DPP10: variants seen among roughly 807,000 people sequenced by gnomAD.
DPP10 encodes the protein inactive dipeptidyl peptidase 10.
In DPP10, 33 loss-of-function variants were observed where a neutral mutation model predicts 120.9. That is an observed-to-expected ratio of 0.27 (90% CI 0.21 to 0.37). DPP10 has a LOEUF of 0.37. Among genes scored for constraint, DPP10 ranks in the 10% least tolerant of loss-of-function variants. The probability of loss-of-function intolerance (pLI) is 1.00; values close to 1 mark genes in which losing one functional copy is unlikely to be tolerated. For synonymous variants in DPP10, 337 were observed against 326.1 expected (o/e 1.03, Z -0.36); for missense variants, 816 against 942.8 (o/e 0.87, Z 1.76).
intron 19 of DPP10, among the ~76,000 whole-genome samples, chr2:115,804,310 G>A (rs896900641): frequency 2.6e-5 from 4 of 152,104 alleles, no homozygotes; most frequent in Admixed American, 6.5e-5. Context: ...CTCTGCACTG[G>A]TTATTCTAGT....
At chr2:115,062,575 G>C (rs909939932) in intron 1 of DPP10, among the ~76,000 whole-genome samples, 3 of 152,018 alleles carry the variant, frequency 2.0e-5, no homozygotes, top group African/African-American at 7.2e-5. Context: ...AGTGTGTGTT[G>C]TTCTTCTCCC....
At chr2:115,383,737 A>G (rs992807201) in intron 3 of DPP10, among the ~76,000 whole-genome samples, 6 of 151,910 alleles carry the variant, frequency 3.9e-5, no homozygotes, top group African/African-American at 1.2e-4. Context: ...AATATATTTA[A>G]TAATTTGATT....
chr2:114,902,175 T>A (rs1280687618), intron 1 of DPP10, among the ~76,000 whole-genome samples: 1 of 152,238 alleles, frequency 6.6e-6, no homozygotes, highest in East Asian at 1.9e-4. Flanking sequence ...AAAAATCATT[T>A]ATCATCCACC....
At chr2:115,497,253 C>T (rs937981620) in intron 3 of DPP10, among the ~76,000 whole-genome samples, 15 of 151,930 alleles carry the variant, frequency 9.9e-5, no homozygotes, top group South Asian at 4.2e-4. Context: ...AACCCCTGAA[C>T]GAGGAGGGGA....
chr2:115,825,907 G>T (rs753867752), intron 21 of DPP10, among the ~76,000 whole-genome samples: 4 of 152,284 alleles, frequency 2.6e-5, no homozygotes, highest in African/African-American at 4.8e-5. Context: ...GGCAGAAGAG[G>T]CTGGTTTTAT....
chr2:114,768,915 T>C (rs2106140000), intron 1 of DPP10, among the ~76,000 whole-genome samples: 1 of 152,300 alleles, frequency 6.6e-6, no homozygotes. Flanking sequence ...TATGAGATGA[T>C]AGTGGAAATC....
At chr2:115,513,253 T>C (rs2077326757) in intron 4 of DPP10, among the ~76,000 whole-genome samples, 1 of 151,954 alleles carries the variant, frequency 6.6e-6, no homozygotes, top group South Asian at 2.1e-4. Context: ...CTTTTTATTT[T>C]AAACTTATTA....
chr2:114,697,144 G>A (rs1700115576), intron 1 of DPP10, among the ~76,000 whole-genome samples: 1 of 151,964 alleles, frequency 6.6e-6, no homozygotes, highest in South Asian at 2.1e-4. Context: ...ATATTGTTGA[G>A]CTGCCTTCAC....
intron 1 of DPP10, among the ~76,000 whole-genome samples, chr2:114,789,014 T>A (rs1375416109): frequency 6.6e-6 from 1 of 152,096 alleles, no homozygotes; most frequent in Non-Finnish European, 1.5e-5. Context: ...CACCATTATA[T>A]CTTTGGAAAA....
At chr2:115,772,395 G>C (rs1354722983) in intron 13 of DPP10, among the ~76,000 whole-genome samples, 1 of 152,048 alleles carries the variant, frequency 6.6e-6, no homozygotes, top group Non-Finnish European at 1.5e-5. Flanking sequence ...AAAAGTAAAA[G>C]ATTTCTAAGC....
chr2:115,418,102 G>A (rs925039332), intron 3 of DPP10, among the ~76,000 whole-genome samples: 4 of 152,190 alleles, frequency 2.6e-5, no homozygotes, highest in Non-Finnish European at 5.9e-5. Flanking sequence ...TAGTCAGAAT[G>A]TAAATCATTT....
chr2:115,430,665 G>A (rs1332574168), intron 3 of DPP10, among the ~76,000 whole-genome samples: 27 of 152,080 alleles, frequency 1.8e-4, no homozygotes, highest in Admixed American at 1.8e-3. Context: ...CAGCTAAATT[G>A]ATAATCTCAG....
chr2:115,804,095 C>G (rs1273101796), intron 19 of DPP10, among the ~76,000 whole-genome samples: 1 of 152,168 alleles, frequency 6.6e-6, no homozygotes, highest in African/African-American at 2.4e-5. Context: ...GGTCTTTTCA[C>G]ATAGTCCCAT....
intron 1 of DPP10, among the ~76,000 whole-genome samples, chr2:115,186,232 G>A (rs183666182): frequency 9.9e-5 from 15 of 152,142 alleles, no homozygotes; most frequent in South Asian, 2.1e-4. Flanking sequence ...TCTGTTTTAC[G>A]TGTAAACCCA....
intron 1 of DPP10, among the ~76,000 whole-genome samples, chr2:114,979,282 A>T (rs1347864094): frequency 6.6e-6 from 1 of 151,996 alleles, no homozygotes; most frequent in African/African-American, 2.4e-5. Context: ...AAAAAAATTT[A>T]ATTAAAATAA....
At chr2:115,609,815 T>C (rs140655411) in intron 5 of DPP10, among the ~76,000 whole-genome samples, 1 of 152,246 alleles carries the variant, frequency 6.6e-6, no homozygotes, top group Non-Finnish European at 1.5e-5. Context: ...AGGTCATGAA[T>C]AGTGAAACGA....
At chr2:114,779,092 G>A (rs1381654859) in intron 1 of DPP10, among the ~76,000 whole-genome samples, 1 of 152,024 alleles carries the variant, frequency 6.6e-6, no homozygotes, top group Non-Finnish European at 1.5e-5. Flanking sequence ...TGGGGCCTGA[G>A]TAATCCCGTG....
chr2:114,972,651 A>G (rs577328847), intron 1 of DPP10, among the ~76,000 whole-genome samples: 5 of 152,326 alleles, frequency 3.3e-5, no homozygotes, highest in Admixed American at 6.5e-5. Flanking sequence ...AATGGTTACT[A>G]TCAGCAATTG....
chr2:115,289,109 A>C (rs2060532264), intron 1 of DPP10, among the ~76,000 whole-genome samples: 2 of 152,158 alleles, frequency 1.3e-5, no homozygotes, highest in Non-Finnish European at 2.9e-5. Context: ...CGGGTTACAA[A>C]ATCTATGTGA....
Sources: gnomAD v4.1 joint callset for allele counts (sites outside exome capture counted in the v4.1 genomes callset) on GRCh38, gnomAD v4.1.1 for gene constraint, MANE v1.5 for transcripts, NCBI Gene and HGNC (gene_info 2026-07-23, HGNC 2026-07-21) for gene names.